The following HACE1 variants were observed in gnomAD, a reference collection of about 807,000 sequenced individuals.
The protein encoded by HACE1 is E3 ubiquitin-protein ligase HACE1.
HACE1 carries 73 observed loss-of-function variants against 118.4 expected under a neutral mutation model. The ratio of observed to expected loss-of-function variants is 0.62; its 90% CI spans 0.51 to 0.75. The LOEUF is 0.75. Among genes scored for constraint, HACE1 ranks in the 30% least tolerant of loss-of-function variants. The pLI, the probability that HACE1 is intolerant of heterozygous loss-of-function variation, is 0.00. For missense variants in HACE1, 749 were observed against 1,102.2 expected (o/e 0.68, Z 4.54); for synonymous variants, 368 against 374.8 (o/e 0.98, Z 0.21).
chr6:104,840,690 G>A (rs1015296936), intron 5 of HACE1, among the ~76,000 whole-genome samples: 13 of 151,912 alleles, frequency 8.6e-5, no homozygotes, highest in Admixed American at 2.0e-4. Context: ...AAGGCTGGGC[G>A]CGGTGGCTCA....
intron 7 of HACE1, among the ~76,000 whole-genome samples, chr6:104,803,328 A>C (rs1305086432): frequency 6.6e-6 from 1 of 152,190 alleles, no homozygotes; most frequent in East Asian, 1.9e-4. Flanking sequence ...TATTCCAATC[A>C]ATAGAAAAAG....
chr6:104,854,595 T>C (rs531024137), intron 1 of HACE1, among the ~76,000 whole-genome samples: 8 of 152,060 alleles, frequency 5.3e-5, no homozygotes, highest in African/African-American at 1.9e-4. Context: ...CTTATCTGGA[T>C]AGTGATTCAA....
At chr6:104,788,528 T>G (rs897231989) in intron 11 of HACE1, among the ~76,000 whole-genome samples, 2 of 152,166 alleles carry the variant, frequency 1.3e-5, no homozygotes, top group African/African-American at 4.8e-5. Context: ...TGATATCCTG[T>G]TAGTCTGACT....
intron 6 of HACE1, among the ~76,000 whole-genome samples, chr6:104,815,360 G>A (rs1772004692): frequency 7.3e-6 from 1 of 136,690 alleles, no homozygotes. Context: ...TAGGGTATCT[G>A]GTGGAAGAAA....
intron 18 of HACE1, among the ~76,000 whole-genome samples, chr6:104,771,705 G>GA (rs55710828): frequency 0.32 from 27,117 of 85,870 alleles, 2,753 homozygotes; most frequent in East Asian, 0.39. Flanking sequence ...CACAAAAATT[G>GA]AAAAAAAAAA....
At chr6:104,745,711 G>C (rs1346609156) in intron 20 of HACE1, among the ~76,000 whole-genome samples, 2 of 151,922 alleles carry the variant, frequency 1.3e-5, no homozygotes, top group Non-Finnish European at 2.9e-5. Flanking sequence ...AAAGTGCTGG[G>C]ATTACAGGCG....
At chr6:104,844,062 T>C (rs1032207702) in intron 4 of HACE1, among the ~76,000 whole-genome samples, 1 of 147,596 alleles carries the variant, frequency 6.8e-6, no homozygotes, top group Non-Finnish European at 1.5e-5. Flanking sequence ...GTGATGGAGC[T>C]GTGCTCTTGT....
chr6:104,740,625 C>G (rs1344055950), intron 22 of HACE1, among the ~76,000 whole-genome samples: 1 of 151,222 alleles, frequency 6.6e-6, no homozygotes, highest in Non-Finnish European at 1.5e-5. Context: ...AGTTGAATCT[C>G]TGAATAGACC....
chr6:104,837,137 C>T (rs1444845111), intron 5 of HACE1, among the ~76,000 whole-genome samples: 2 of 152,162 alleles, frequency 1.3e-5, no homozygotes, highest in Non-Finnish European at 2.9e-5. Context: ...TTTGTAGACA[C>T]AGACAAGTTT....
intron 22 of HACE1, among the ~76,000 whole-genome samples, chr6:104,743,001 T>C (rs1562270898): frequency 2.0e-5 from 3 of 152,284 alleles, no homozygotes; most frequent in Non-Finnish European, 2.9e-5. Context: ...GATGAGTTCA[T>C]GTTCTTCGTA....
intron 1 of HACE1, chr6:104,858,423 A>G: frequency 3.1e-6 from 1 of 323,710 alleles, no homozygotes; most frequent in Non-Finnish European, 6.2e-6. Flanking sequence ...TCCCCAGGCC[A>G]GGCGCGGTGG....
intron 3 of HACE1, 122 bp from the exon 4 acceptor site, chr6:104,849,368 G>T: frequency 4.1e-6 from 3 of 727,162 alleles, no homozygotes; most frequent in Non-Finnish European, 7.3e-6. Context: ...AGACAGTCTT[G>T]CTCTGTCGCC....
At chr6:104,780,028 T>C (rs1781563415) in intron 14 of HACE1, among the ~76,000 whole-genome samples, 1 of 152,112 alleles carries the variant, frequency 6.6e-6, no homozygotes, top group Non-Finnish European at 1.5e-5. Context: ...ATTAAAAGCA[T>C]TTATACTAAT....
intron 6 of HACE1, among the ~76,000 whole-genome samples, chr6:104,814,887 C>T (rs933839427): frequency 7.2e-6 from 1 of 138,548 alleles, no homozygotes; most frequent in African/African-American, 2.9e-5. Context: ...TGAGGCCTCA[C>T]AGTCATGCTT....
chr6:104,855,429 C>G (rs139318534), intron 1 of HACE1, among the ~76,000 whole-genome samples: 22 of 150,998 alleles, frequency 1.5e-4, no homozygotes, highest in South Asian at 8.4e-4. Flanking sequence ...GGCAACAGAG[C>G]GAGACTCCAT....
chr6:104,847,750 G>A (rs1255947729), intron 4 of HACE1, among the ~76,000 whole-genome samples: 2 of 151,274 alleles, frequency 1.3e-5, no homozygotes, highest in Non-Finnish European at 2.9e-5. Context: ...ATCTTCAAGA[G>A]TAATTAAAAA....
chr6:104,827,144 C>T (rs1052448789), intron 6 of HACE1, among the ~76,000 whole-genome samples: 1 of 152,118 alleles, frequency 6.6e-6, no homozygotes, highest in Non-Finnish European at 1.5e-5. Flanking sequence ...GCCCAATACA[C>T]TGATAAATTA....
At chr6:104,857,608 A>C (rs1044001713) in intron 1 of HACE1, among the ~76,000 whole-genome samples, 1 of 151,960 alleles carries the variant, frequency 6.6e-6, no homozygotes, top group Admixed American at 6.6e-5. Context: ...CATTTGTTAC[A>C]TGCATCCTAT....
At chr6:104,844,279 C>T (rs1285761401) in intron 4 of HACE1, among the ~76,000 whole-genome samples, 4 of 152,004 alleles carry the variant, frequency 2.6e-5, no homozygotes, top group Admixed American at 6.6e-5. Flanking sequence ...TCGTGATCTG[C>T]CCGCCTAGGT....
Sources: allele counts gnomAD v4.1 joint callset (sites outside exome capture counted in the v4.1 genomes callset), GRCh38; gene constraint gnomAD v4.1.1; transcripts MANE v1.5; gene names NCBI Gene and HGNC (gene_info 2026-07-23, HGNC 2026-07-21).